The following OTUD3 variants were observed in gnomAD, a reference collection of about 807,000 sequenced individuals.
The protein encoded by OTUD3 is OTU domain-containing protein 3.
Under a neutral mutation model 46.2 loss-of-function variants are expected in OTUD3, and 24 were observed. The ratio of observed to expected loss-of-function variants is 0.52; its 90% confidence interval spans 0.38 to 0.73. OTUD3 has a LOEUF of 0.73. Ranked by LOEUF, OTUD3 falls within the 30% of genes least tolerant of loss-of-function variation. The pLI is 0.00. For synonymous variants in OTUD3, 189 were observed against 195.4 expected (o/e 0.97, Z 0.27); for missense variants, 455 against 523.3 (o/e 0.87, Z 1.27).
chr1:19,907,880 A>G lies in OTUD3; in HGVS notation c.*134A>G. ...CACACATGAGCTCACACACTGAGTT[A>G]GTTTCGTTCAAGCTGCCTCTTTTTT... On this transcript the variant is annotated 3_prime_UTR_variant, in exon 8 of 8. Coordinates refer to ENST00000375120, the MANE Select transcript of OTUD3 (RefSeq NM_015207.2). 1 of 717,594 alleles carries G rather than the reference A, an allele frequency of 1.4e-6. No homozygotes were observed. Among genetic ancestry groups the G allele is most frequent in the Non-Finnish European group, 2.2e-6 (1 of 457,484 alleles). 44.5% of individuals were successfully genotyped at this position (717,594 alleles called of 1,614,324 possible). A position where few individuals can be genotyped will look rare whatever the true frequency, so the allele number is the denominator to read the frequency against.
Position 19,904,249 on chromosome 1 carries a change from ATTAC to A in OTUD3, c.607-15_607-12del. On this transcript the variant is annotated splice_polypyrimidine_tract_variant and intron_variant, in intron 4 of 7. Coordinates refer to ENST00000375120, the MANE Select transcript of OTUD3 (RefSeq NM_015207.2). ...TGATTCTCAACATAGTTCCCTGATT[ATTAC>A]TTGTTTCCTTTAGTTTCAGATGCTT... 6.3e-7 allele frequency: 1 copy of A among 1,576,024 alleles called. No homozygotes were observed. Among genetic ancestry groups the A allele is most frequent in the Non-Finnish European group, 8.6e-7 (1 of 1,161,020 alleles).
intron 5 of OTUD3, 128 bp from the exon 6 acceptor site, chr1:19,904,763 A>G (rs1228756439): frequency 2.0e-5 from 12 of 608,214 alleles, no homozygotes; most frequent in Non-Finnish European, 3.5e-5. Context: ...TAAATGGAAA[A>G]GGTCCTGAAA....
In OTUD3 at chr1:19,907,602, G is replaced by T; in HGVS notation, c.1053G>T (p.Trp351Cys). Residue 351 changes from tryptophan (W) to cysteine (C), a missense_variant, in exon 8 of 8, where the codon TGG (tryptophan) becomes TGT (cysteine). Trp to Cys is a radical substitution (Grantham distance 215). Coordinates refer to ENST00000375120, the MANE Select transcript of OTUD3 (RefSeq NM_015207.2). Reference sequence around the variant, plus strand: ...ACAAACAGAGGCGAGAACAGCAGTGGATGGAGAAGAAGAAGCGGCAGGAGG... The same window carrying T: ...ACAAACAGAGGCGAGAACAGCAGTGTATGGAGAAGAAGAAGCGGCAGGAGG... ...VTNKQRREQQ[W>C]MEKKKRQEER... 6.2e-7 allele frequency: 1 copy of T among 1,614,044 alleles called. No individual in the cohort carries two copies. The highest frequency in any genetic ancestry group is 8.5e-7 in the Non-Finnish European group (1 of 1,179,992).
At chr1:19,904,020 T>C (rs1242981408) in intron 4 of OTUD3, among the ~76,000 whole-genome samples, 9 of 152,112 alleles carry the variant, frequency 5.9e-5, no homozygotes, top group South Asian at 2.1e-4. Flanking sequence ...GACATGGGAG[T>C]GCGAATGCCT....
intron 4 of OTUD3, among the ~76,000 whole-genome samples, chr1:19,902,269 A>G (rs1045107034): frequency 2.0e-5 from 3 of 152,140 alleles, no homozygotes; most frequent in Non-Finnish European, 2.9e-5. Context: ...CAGCGGCACG[A>G]TCGTGGCTCA....
At chr1:19,903,731 T>TGGTG (rs1190652537) in intron 4 of OTUD3, among the ~76,000 whole-genome samples, 1 of 152,158 alleles carries the variant, frequency 6.6e-6, no homozygotes, top group African/African-American at 2.4e-5. Flanking sequence ...TCCCTGGGTG[T>TGGTG]GGTGGTATGT....
At position 19,897,694 on chromosome 1, in the gene OTUD3, C is replaced by T. The variant is rs571206661; in HGVS notation, c.606+32C>T. 32 of 1,606,146 alleles carry T rather than the reference C, an allele frequency of 2.0e-5. No homozygotes were observed. In the Admixed American group the frequency reaches 2.4e-4, roughly 12 times the overall value. On this transcript the variant is annotated intron_variant, in intron 4 of 7. Transcript: ENST00000375120. ...GAGGCCTCGGATTTCTCCCGTATTC[C>T]CCGCCCTACAGGAAACAGATTGAGA...
At chr1:19,890,655 A>G (rs2045433904) in intron 2 of OTUD3, 122 bp downstream of exon 2, 2 of 926,686 alleles carry the variant, frequency 2.2e-6, no homozygotes, top group Non-Finnish European at 3.4e-6. Context: ...TCATTTATTC[A>G]AGAAATATTT....
chr1:19,899,432 G>C (rs898903466), intron 4 of OTUD3, among the ~76,000 whole-genome samples: 20 of 152,250 alleles, frequency 1.3e-4, no homozygotes, highest in Non-Finnish European at 2.5e-4. Flanking sequence ...TTAATTCATG[G>C]TAGTACATAA....
chr1:19,882,481 C>T lies in OTUD3; in HGVS notation c.-33C>T. 9 of 1,345,564 alleles carry T rather than the reference C, an allele frequency of 6.7e-6. No individual in the cohort carries two copies. The highest frequency in any genetic ancestry group is 1.5e-5 in the African/African-American group (1 of 65,544). The allele number at this position is 1,345,564 out of a possible 1,614,324, so 83.4% of individuals were successfully genotyped here. ...GGACGCTGGGGGGTCCTGCGCCTTT[C>T]CCTCCTGCCGCTGGGGACTGCAGGC... On this transcript the variant is annotated 5_prime_UTR_variant, in exon 1 of 8. Transcript: ENST00000375120.
In OTUD3 at chr1:19,900,003, C is replaced by T. The variant is rs545648745; in HGVS notation, c.606+2341C>T. Among the ~76,000 whole-genome samples the T allele has an allele frequency of 1.2e-3, 187 of 152,110 alleles. 1 individual carries two copies. The highest frequency in any genetic ancestry group is 1.8e-3 in the Non-Finnish European group (122 of 67,998). ...GTGATATGAGTTGCAAATAGTTTTT[C>T]GCACTCTGTCATTTGTCTTTTTGTT... On this transcript the variant is annotated intron_variant, in intron 4 of 7. Transcript: ENST00000375120.
chr1:19,882,627 G>A lies in OTUD3; in HGVS notation c.114G>A (p.Arg38=). 6.8e-7 allele frequency: 1 copy of A among 1,460,176 alleles called. No homozygotes were observed. The highest frequency in any genetic ancestry group is 3.0e-5 in the East Asian group (1 of 33,220). 90.5% of individuals were successfully genotyped at this position (1,460,176 alleles called of 1,614,324 possible). The change falls in exon 1 of 8, where the codon CGG becomes CGA. Residue 38 remains arginine, a synonymous_variant. Transcript: ENST00000375120. The part of the protein sequence containing the change: ...AARRALAKER[R]NRPESGGGGG... ...GCCGGGCCCTGGCCAAGGAGCGGCG[G>A]AATCGGCCGGAGTCTGGCGGCGGCG... is the stretch of plus-strand genomic sequence containing the variant.
In OTUD3 at chr1:19,882,583, C is replaced by A; in HGVS notation, c.70C>A (p.Arg24=). Residue 24 remains arginine, a synonymous_variant, in exon 1 of 8, where the codon CGG becomes AGG. Transcript: ENST00000375120. The stretch of plus-strand genomic sequence containing the variant: ...CCGGAAAGCCGAGGCCGAGCGCAAG[C>A]GGGACGAGCGGGCGGCGCGCCGGGC... ...GSRKAEAERK[R]DERAARRALA... 1 of 1,406,456 alleles carries A rather than the reference C, an allele frequency of 7.1e-7. No individual in the cohort carries two copies. The highest frequency in any genetic ancestry group is 1.6e-5 in the South Asian group (1 of 63,732). The allele number at this position is 1,406,456 out of a possible 1,614,324, so 87.1% of individuals were successfully genotyped here. A position where few individuals can be genotyped will look rare whatever the true frequency, so the allele number is the denominator to read the frequency against.
chr1:19,904,423 T>G (rs371842056), intron 5 of OTUD3, 25 bp downstream of exon 5: 38 of 1,600,530 alleles, frequency 2.4e-5, no homozygotes, highest in African/African-American at 5.4e-5. Context: ...CTTGCAGGAA[T>G]GATTTAGAAG....
At chr1:19,901,275 C>G (rs1011913090) in intron 4 of OTUD3, among the ~76,000 whole-genome samples, 3 of 152,168 alleles carry the variant, frequency 2.0e-5, no homozygotes, top group African/African-American at 7.2e-5. Context: ...AAGCTGACAT[C>G]TTTTTGATGT....
At chr1:19,906,347 C>T (rs1000642814) in intron 6 of OTUD3, 85 bp from the exon 7 acceptor site, 1 of 1,189,766 alleles carries the variant, frequency 8.4e-7, no homozygotes, top group Non-Finnish European at 1.2e-6. Context: ...AGTAGGGACC[C>T]AGGTAATTTT....
At chr1:19,901,980 T>G (rs759221060) in intron 4 of OTUD3, among the ~76,000 whole-genome samples, 7 of 152,196 alleles carry the variant, frequency 4.6e-5, no homozygotes, top group Non-Finnish European at 8.8e-5. Flanking sequence ...TGAGTATATG[T>G]GTACAGTATT....
At chr1:19,894,259 A>G (rs2045487470) in intron 2 of OTUD3, 109 bp from the exon 3 acceptor site, 2 of 608,118 alleles carry the variant, frequency 3.3e-6, no homozygotes, top group Non-Finnish European at 5.8e-6. Flanking sequence ...GACTTCTCAG[A>G]TATATATCGT....
chr1:19,898,902 G>C (rs907225911), intron 4 of OTUD3, among the ~76,000 whole-genome samples: 1 of 152,010 alleles, frequency 6.6e-6, no homozygotes, highest in Non-Finnish European at 1.5e-5. Flanking sequence ...GCTTGTCTAC[G>C]TGGACTCCAG....
Sources: allele counts gnomAD v4.1 joint callset (sites outside exome capture counted in the v4.1 genomes callset), GRCh38; gene constraint gnomAD v4.1.1; transcripts MANE v1.5; gene names NCBI Gene and HGNC (gene_info 2026-07-23, HGNC 2026-07-21).